Variants in TRIM32 observed in about 807,000 individuals in gnomAD.
TRIM32 encodes the protein E3 ubiquitin-protein ligase TRIM32.
In TRIM32, 19 loss-of-function variants were observed where a neutral mutation model predicts 36.0. That is an observed-to-expected ratio of 0.53 (90% confidence interval 0.37 to 0.77). The LOEUF is 0.77. TRIM32 is among the 30% of genes least tolerant of loss of function. The pLI, the probability that TRIM32 is intolerant of heterozygous loss-of-function variation, is 0.00. For missense variants in TRIM32, 747 were observed against 845.2 expected, an observed-to-expected ratio of 0.88 and a Z score of 1.44; for synonymous variants, 309 against 318.5, an observed-to-expected ratio of 0.97 and a Z score of 0.32.
Position 116,698,643 on chromosome 9 carries a change from GTTA to G in TRIM32, c.902_904del (p.Val301_Asn302delinsAsp). ...ACAAGCTGTTAAGAAGCCCCGGACA[GTTA>G]ACGTGGAAGATTCCTGGGCCATGGA... On this transcript the variant is annotated inframe_deletion, in exon 2 of 2. Coordinates refer to ENST00000450136, the MANE Select transcript of TRIM32 (RefSeq NM_012210.4). The surrounding 1 kb of genome is among the most constrained non-coding windows in gnomAD (Gnocchi z 4.4). 1 of 1,614,136 alleles carries G rather than the reference GTTA, an allele frequency of 6.2e-7. No homozygotes were observed. The highest frequency in any genetic ancestry group is 8.5e-7 in the Non-Finnish European group (1 of 1,180,030).
Position 116,699,430 on chromosome 9 carries a change from G to T in TRIM32, c.1688G>T (p.Arg563Leu), listed in dbSNP as rs138056275. 1.2e-6 allele frequency: 2 copies of T among 1,614,146 alleles called. No individual in the cohort carries two copies. ...GSVGPDGQLG[R>L]QISHFFSENE... ...GTAGGCCCTGATGGGCAGCTGGGTCGCCAGATTAGCCACTTCTTCTCGGAG... is the reference window on the plus strand; with the variant it reads ...GTAGGCCCTGATGGGCAGCTGGGTCTCCAGATTAGCCACTTCTTCTCGGAG... The change falls in exon 2 of 2, where the codon CGC (arginine) becomes CTC (leucine). Residue 563 changes from arginine to leucine, a missense_variant. Coordinates refer to ENST00000450136, the MANE Select transcript of TRIM32 (RefSeq NM_012210.4). This position sits in a 1 kb window ranked among gnomAD's most constrained non-coding sequence, Gnocchi z 4.2.
chr9:116,701,268 G>C lies in TRIM32; in HGVS notation c.*1564G>C, dbSNP rs140261676. On this transcript the variant is annotated 3_prime_UTR_variant, in exon 2 of 2. Transcript: ENST00000450136. Reference sequence around the variant, plus strand: ...GTATCATAATAGCTGCCAAAGGATAGGTAAAGAGGTCATTAAAATGATGTT... The same window carrying C: ...GTATCATAATAGCTGCCAAAGGATACGTAAAGAGGTCATTAAAATGATGTT... 9.6e-4 allele frequency: 161 copies of C among 167,152 alleles called. No homozygotes were observed. Among genetic ancestry groups the C allele is most frequent in the African/African-American group, 3.7e-3 (153 of 41,576 alleles). The allele number at this position is 167,152 out of a possible 1,614,324, so 10.4% of individuals were successfully genotyped here. A position where few individuals can be genotyped will look rare whatever the true frequency, so the allele number is the denominator to read the frequency against.
intron 1 of TRIM32, among the ~76,000 whole-genome samples, chr9:116,688,155 A>G (rs960001863): frequency 6.6e-6 from 1 of 151,990 alleles, no homozygotes; most frequent in African/African-American, 2.4e-5. Flanking sequence ...AGATTTGGAA[A>G]TAGGGATTAA....
intron 1 of TRIM32, among the ~76,000 whole-genome samples, chr9:116,690,607 C>G (rs572039781): frequency 1.3e-5 from 2 of 152,286 alleles, no homozygotes; most frequent in African/African-American, 4.8e-5. Context: ...GGTGCCCTTA[C>G]CAACCTCTCA....
At chr9:116,688,136 G>T (rs1368047488) in intron 1 of TRIM32, among the ~76,000 whole-genome samples, 1 of 152,092 alleles carries the variant, frequency 6.6e-6, no homozygotes, top group African/African-American at 2.4e-5. Flanking sequence ...GCGGGGCTGA[G>T]TGTGGCAGAG....
intron 1 of TRIM32, among the ~76,000 whole-genome samples, chr9:116,697,055 G>A (rs1860897170): frequency 6.6e-6 from 1 of 151,772 alleles, no homozygotes; most frequent in Non-Finnish European, 1.5e-5. Flanking sequence ...TCTTAGGAGT[G>A]AAACTGCTTT....
chr9:116,699,247 C>T lies in TRIM32; in HGVS notation c.1505C>T (p.Ser502Leu). Reference protein sequence around the residue: ...KLWCFTVDRGSGVVKYSCLCS... With the variant: ...KLWCFTVDRGLGVVKYSCLCS... Reference sequence around the variant, plus strand: ...TGGTGTTTCACAGTTGATCGAGGATCAGGGGTGGTCAAATACAGCTGCCTA... The same window carrying T: ...TGGTGTTTCACAGTTGATCGAGGATTAGGGGTGGTCAAATACAGCTGCCTA... Residue 502 changes from serine to leucine, a missense_variant, in exon 2 of 2, where the codon TCA (serine) becomes TTA (leucine). Transcript: ENST00000450136. The surrounding 1 kb of genome is among the most constrained non-coding windows in gnomAD (Gnocchi z 4.2). 1 of 1,614,224 alleles carries T rather than the reference C, an allele frequency of 6.2e-7. No homozygotes were observed. Among genetic ancestry groups the T allele is most frequent in the South Asian group, 1.1e-5 (1 of 91,090 alleles).
intron 1 of TRIM32, among the ~76,000 whole-genome samples, chr9:116,693,529 T>C (rs541627561): frequency 3.4e-4 from 51 of 152,062 alleles, no homozygotes; most frequent in African/African-American, 1.1e-3. Context: ...AGAGATGTGC[T>C]AGTACAGTAT....
chr9:116,697,624 T>C, intron 1 of TRIM32, 38 bp from the exon 2 acceptor site: 1 of 1,292,204 alleles, frequency 7.7e-7, no homozygotes, highest in Admixed American at 2.0e-5. Context: ...ATTTATATAG[T>C]CAGAGGAAAA....
rs145449915 is a variant in TRIM32 at position 116,687,793 on chromosome 9, G to C, written c.-82+412G>C. ...GAACTGGGGGGCCCCGATGAGATTTGAGGAAATCTGGGGGCGCTAGGCATC... is the reference window on the plus strand; with the variant it reads ...GAACTGGGGGGCCCCGATGAGATTTCAGGAAATCTGGGGGCGCTAGGCATC... On this transcript the variant is annotated intron_variant, in intron 1 of 1. Transcript: ENST00000450136. 3.1e-3 allele frequency among the ~76,000 whole-genome samples: 477 copies of C among 152,080 alleles called. 9 individuals are homozygous for C. The East Asian group carries it at 0.035, about 11-fold the overall frequency.
intron 1 of TRIM32, 182 bp from the exon 2 acceptor site, chr9:116,697,480 T>G: frequency 2.1e-6 from 1 of 469,726 alleles, no homozygotes; most frequent in Non-Finnish European, 3.9e-6. Context: ...CACTATGCAG[T>G]GTTTTGTCTG....
Position 116,697,846 on chromosome 9 carries a change from A to G in TRIM32, c.104A>G (p.Lys35Arg). The G allele has an allele frequency of 6.2e-7, 1 of 1,614,158 alleles. No homozygotes were observed. Among genetic ancestry groups the G allele is most frequent in the African/African-American group, 1.3e-5 (1 of 75,034 alleles). The change falls in exon 2 of 2, where the codon AAG (lysine) becomes AGG (arginine). Residue 35 changes from lysine to arginine, a missense_variant. By Grantham distance (26) the Lys-to-Arg change is conservative. Coordinates refer to ENST00000450136, the MANE Select transcript of TRIM32 (RefSeq NM_012210.4). ...ESFTEEQLRPKLLHCGHTICR... is the reference protein window; with the variant it reads ...ESFTEEQLRPRLLHCGHTICR... The stretch of plus-strand genomic sequence containing the variant: ...TTCACAGAAGAGCAGCTGCGTCCCA[A>G]GCTTCTGCACTGTGGCCATACCATC...
Position 116,698,993 on chromosome 9 carries a change from T to G in TRIM32, c.1251T>G (p.Phe417Leu). Residue 417 changes from phenylalanine (F) to leucine (L), a missense_variant, in exon 2 of 2, where the codon TTT becomes TTG. Physicochemically the swap from Phe to Leu is conservative, Grantham distance 22 (BLOSUM62 0). Transcript: ENST00000450136. This position sits in a 1 kb window ranked among gnomAD's most constrained non-coding sequence, Gnocchi z 4.4. The part of the protein sequence containing the change: ...IRRSPSGIDS[F>L]VLSFLGADLP... ...GCAGCCCCAGTGGCATTGATAGCTT[T>G]GTGCTAAGCTTCCTTGGGGCAGATC... 1 of 1,614,144 alleles carries G rather than the reference T, an allele frequency of 6.2e-7. No individual in the cohort carries two copies. Among genetic ancestry groups the G allele is most frequent in the Non-Finnish European group, 8.5e-7 (1 of 1,180,020 alleles).
intron 1 of TRIM32, among the ~76,000 whole-genome samples, chr9:116,689,740 G>A (rs1205876320): frequency 6.6e-6 from 1 of 152,118 alleles, no homozygotes; most frequent in Non-Finnish European, 1.5e-5. Flanking sequence ...CTCTGATTAG[G>A]TAGGGAGGAG....
Position 116,698,132 on chromosome 9 carries a change from T to C in TRIM32, c.390T>C (p.Pro130=), listed in dbSNP as rs769958781. 5 of 1,614,134 alleles carry C rather than the reference T, an allele frequency of 3.1e-6. No individual in the cohort carries two copies. Among genetic ancestry groups the C allele is most frequent in the Non-Finnish European group, 3.4e-6 (4 of 1,180,018 alleles). Residue 130 remains proline (P), a synonymous_variant, in exon 2 of 2, where the codon CCT becomes CCC. Coordinates refer to ENST00000450136, the MANE Select transcript of TRIM32 (RefSeq NM_012210.4). The surrounding 1 kb of genome is among the most constrained non-coding windows in gnomAD (Gnocchi z 4.4). ...CCTGCCGGGAGGCAGACCATCAGCC[T>C]CCTGGCCACTGTACACTCCCTGTCA... ...CEPCREADHQ[P]PGHCTLPVKE...
At position 116,699,580 on chromosome 9, in the gene TRIM32, G is replaced by A. The variant is rs199704873; in HGVS notation, c.1838G>A (p.Arg613Gln). 5.3e-5 allele frequency: 86 copies of A among 1,614,086 alleles called. No homozygotes were observed. Among genetic ancestry groups the A allele is most frequent in the Non-Finnish European group, 6.9e-5 (81 of 1,180,052 alleles). The change falls in exon 2 of 2, where the codon CGA (arginine) becomes CAA (glutamine). Residue 613 changes from arginine to glutamine, a missense_variant. Arg to Gln is a conservative substitution (Grantham distance 43, BLOSUM62 1). Transcript: ENST00000450136. The surrounding 1 kb of genome is among the most constrained non-coding windows in gnomAD (Gnocchi z 4.2). Reference sequence around the variant, plus strand: ...GGTGGGGGCTATAGTGTCCTTATTCGAGAGGGACTTACCTGTCCGGTGGGC... The same window carrying A: ...GGTGGGGGCTATAGTGTCCTTATTCAAGAGGGACTTACCTGTCCGGTGGGC... ...PKGGGYSVLI[R>Q]EGLTCPVGIA... is the part of the protein sequence containing the mutation.
intron 1 of TRIM32, among the ~76,000 whole-genome samples, chr9:116,694,837 C>T (rs1336063810): frequency 6.6e-6 from 1 of 151,896 alleles, no homozygotes; most frequent in Admixed American, 6.6e-5. Context: ...TAAGAATTTA[C>T]CATTCATAGT....
chr9:116,699,802 T>C lies in TRIM32; in HGVS notation c.*98T>C. The C allele has an allele frequency of 6.5e-7, 1 of 1,541,156 alleles. No individual in the cohort carries two copies. Among genetic ancestry groups the C allele is most frequent in the Non-Finnish European group, 8.9e-7 (1 of 1,119,570 alleles). On this transcript the variant is annotated 3_prime_UTR_variant, in exon 2 of 2. Coordinates refer to ENST00000450136, the MANE Select transcript of TRIM32 (RefSeq NM_012210.4). This position sits in a 1 kb window ranked among gnomAD's most constrained non-coding sequence, Gnocchi z 4.2. ...ACATGCAGAATAGACTCAGCCTATG[T>C]CCTGATTCCAGCTGGGTAGTTCTAG...
In TRIM32 at chr9:116,698,554, G is replaced by GGGAGCTCACCCTGCAAGATGT. The variant is rs760537269; in HGVS notation, c.820_840dup (p.Thr274_Leu280dup). ...CCAGAGCTCACTGCCAGCTTGCCTC[G>GGGAGCTCACCCTGCAAGATGT]GGAGCTCACCCTGCAAGATGTGGAG... On this transcript the variant is annotated inframe_insertion, in exon 2 of 2. Coordinates refer to ENST00000450136, the MANE Select transcript of TRIM32 (RefSeq NM_012210.4). The surrounding 1 kb of genome is among the most constrained non-coding windows in gnomAD (Gnocchi z 4.4). 6.2e-7 allele frequency: 1 copy of GGGAGCTCACCCTGCAAGATGT among 1,613,890 alleles called. No homozygotes were observed. The highest frequency in any genetic ancestry group is 8.5e-7 in the Non-Finnish European group (1 of 1,180,010).
Sources: allele counts gnomAD v4.1 joint callset (sites outside exome capture counted in the v4.1 genomes callset), GRCh38; gene constraint gnomAD v4.1.1; non-coding constraint Gnocchi (gnomAD v3.1); transcripts MANE v1.5; gene names NCBI Gene and HGNC (gene_info 2026-07-23, HGNC 2026-07-21).